Variants in TAOK2 observed in about 807,000 individuals in gnomAD.
The protein encoded by TAOK2 is serine/threonine-protein kinase TAO2.
In TAOK2, 42 loss-of-function variants were observed where a neutral mutation model predicts 122.5. The observed-to-expected ratio is 0.34, with a 90% CI of 0.27 to 0.44. The LOEUF is 0.44. Among genes scored for constraint, TAOK2 ranks in the 20% least tolerant of loss-of-function variants. TAOK2 has a pLI of 1.00. For missense variants in TAOK2, 1,264 were observed against 1,644.9 expected, an observed-to-expected ratio of 0.77 and a Z score of 4.01; for synonymous variants, 704 against 677.6, an observed-to-expected ratio of 1.04 and a Z score of -0.61.
rs766814244 is a variant in TAOK2 at position 29,983,094 on chromosome 16, G to A, written c.1022G>A (p.Arg341Gln). 3.5e-5 allele frequency: 57 copies of A among 1,613,984 alleles called. No homozygotes were observed. The highest frequency in any genetic ancestry group is 2.7e-4 in the East Asian group (12 of 44,874). Residue 341 changes from arginine (R) to glutamine (Q), a missense_variant, in exon 12 of 16, where the codon CGG becomes CAG. Physicochemically the swap from Arg to Gln is conservative, Grantham distance 43 (BLOSUM62 1). This residue lies in a region of TAOK2 where 254 missense variants were observed against 503.8 expected (regional missense o/e 0.50). Coordinates refer to ENST00000308893, the MANE Select transcript of TAOK2 (RefSeq NM_016151.4). Reference sequence around the variant, plus strand: ...CAGGAGGCCGAGCCCTACATGCACCGGGCCGGGACTCTGACCAGCCTCGAG... The same window carrying A: ...CAGGAGGCCGAGCCCTACATGCACCAGGCCGGGACTCTGACCAGCCTCGAG... ...EEEEAEPYMH[R>Q]AGTLTSLESS...
At chr16:29,989,370 C>T (rs1002269754), downstream of TAOK2, 30 of 985,070 alleles carry the variant, frequency 3.0e-5, no homozygotes, top group Middle Eastern at 5.2e-4. Context: ...TCTCTCAACA[C>T]GATCCCACCT....
downstream of TAOK2, chr16:29,989,081 TTCC>T (rs2069903055): frequency 1.0e-6 from 1 of 985,282 alleles, no homozygotes; most frequent in Admixed American, 6.1e-5. Flanking sequence ...GACCTGGGAC[TTCC>T]TGTGTCTGTC....
intron 9 of TAOK2, 31 bp downstream of exon 9, chr16:29,981,785 G>C (rs1394019424): frequency 1.9e-6 from 3 of 1,612,496 alleles, no homozygotes; most frequent in Non-Finnish European, 2.5e-6. Context: ...TCTGGGCCCA[G>C]GCGTTAGGCC....
chr16:29,990,731 G>C, downstream of TAOK2: 1 of 1,544,028 alleles, frequency 6.5e-7, no homozygotes, highest in Non-Finnish European at 8.8e-7. Context: ...GGCAGGGGAG[G>C]ATAGTGGGGG....
Position 29,981,886 on chromosome 16 carries a change from C to A in TAOK2, c.777C>A (p.Asp259Glu), listed in dbSNP as rs142801026. 51 of 1,613,944 alleles carry A rather than the reference C, an allele frequency of 3.2e-5. No individual in the cohort carries two copies. The highest frequency in any genetic ancestry group is 3.3e-4 in the Middle Eastern group (2 of 6,062). ...CTGAGTACTTCCGGAATTTTGTCGA[C>A]TCCTGTCTTCAGAAAATCCCTCAAG... The part of the protein sequence containing the change: ...HWSEYFRNFV[D>E]SCLQKIPQDR... Residue 259 changes from aspartate (D) to glutamate (E), a missense_variant, in exon 10 of 16, where the codon GAC (aspartate) becomes GAA (glutamate). This residue lies in a region of TAOK2 where 254 missense variants were observed against 503.8 expected (regional missense o/e 0.50). Coordinates refer to ENST00000308893, the MANE Select transcript of TAOK2 (RefSeq NM_016151.4).
downstream of TAOK2, chr16:29,991,665 G>C (rs2069972171): frequency 4.4e-6 from 6 of 1,361,882 alleles, no homozygotes; most frequent in South Asian, 1.8e-5. The surrounding 1 kb of genome is among the most constrained non-coding windows in gnomAD (Gnocchi z 5.6). Context: ...AAGGGTAGGG[G>C]ACAAGATGTA....
chr16:29,987,452 G>C lies in TAOK2; in HGVS notation c.3180G>C (p.Leu1060=), dbSNP rs1224326590. 3 of 1,597,840 alleles carry C rather than the reference G, an allele frequency of 1.9e-6. No homozygotes were observed. The highest frequency in any genetic ancestry group is 1.1e-5 in the South Asian group (1 of 89,692). Residue 1060 remains leucine (L), a synonymous_variant, in exon 16 of 16, where the codon CTG becomes CTC. Transcript: ENST00000308893. ...LLAWPGLALP[L]VAMAAGGRWV... ...CTTGGCCAGGCCTAGCTCTACCTCT[G>C]GTGGCTATGGCAGCGGGGGGCAGAT... is the stretch of plus-strand genomic sequence containing the variant.
rs2069739427 is a variant in TAOK2 at position 29,985,043 on chromosome 16, A to G, written c.1423-170A>G. On this transcript the variant is annotated intron_variant, in intron 13 of 15. Coordinates refer to ENST00000308893, the MANE Select transcript of TAOK2 (RefSeq NM_016151.4). This position sits in a 1 kb window ranked among gnomAD's most constrained non-coding sequence, Gnocchi z 6.9. ...ACCAACTTGTGATGTAGATAATATCACCATTATCCAGTTGAGGAAACAGGC... is the reference window on the plus strand; with the variant it reads ...ACCAACTTGTGATGTAGATAATATCGCCATTATCCAGTTGAGGAAACAGGC... 1.2e-6 allele frequency: 1 copy of G among 813,682 alleles called. No individual in the cohort carries two copies. The highest frequency in any genetic ancestry group is 3.0e-5 in the Admixed American group (1 of 33,614). The allele number at this position is 813,682 out of a possible 1,614,324, so 50.4% of individuals were successfully genotyped here.
Position 29,983,561 on chromosome 16 carries a change from A to G in TAOK2, c.1319A>G (p.Gln440Arg). 6.2e-7 allele frequency: 1 copy of G among 1,613,866 alleles called. No individual in the cohort carries two copies. The highest frequency in any genetic ancestry group is 1.3e-5 in the African/African-American group (1 of 74,958). ...YQPEITPSPL[Q>R]PPAAPAPTST... ...CCAGAGATAACCCCCAGCCCTCTCC[A>G]GCCGCCTGCAGCCCCAGCTCCCACT... Residue 440 changes from glutamine (Q) to arginine (R), a missense_variant, in exon 13 of 16, where the codon CAG becomes CGG. Around this residue, in one of 4 missense-constraint regions of TAOK2, gnomAD observed 122 missense variants for 116.7 expected, o/e 1.04. Coordinates refer to ENST00000308893, the MANE Select transcript of TAOK2 (RefSeq NM_016151.4).
chr16:29,977,719 T>C lies in TAOK2; in HGVS notation c.-35-19T>C. 1 of 1,603,302 alleles carries C rather than the reference T, an allele frequency of 6.2e-7. No homozygotes were observed. The highest frequency in any genetic ancestry group is 8.5e-7 in the Non-Finnish European group (1 of 1,176,308). ...AGGCTCAATCCTTGATCTCTAAGGG[T>C]CCCATTTCCATTCCTCAGGCCAGGC... On this transcript the variant is annotated intron_variant, in intron 1 of 15. Coordinates refer to ENST00000308893, the MANE Select transcript of TAOK2 (RefSeq NM_016151.4).
chr16:29,991,536 A>C, downstream of TAOK2: 2 of 1,485,130 alleles, frequency 1.3e-6, no homozygotes, highest in Non-Finnish European at 1.8e-6. This position sits in a 1 kb window ranked among gnomAD's most constrained non-coding sequence, Gnocchi z 5.6. Context: ...CGCTTCCCAC[A>C]TCCTCAATGG....
Position 29,985,988 on chromosome 16 carries a change from A to T in TAOK2, c.1992+127A>T. On this transcript the variant is annotated intron_variant, in intron 15 of 15. Coordinates refer to ENST00000308893, the MANE Select transcript of TAOK2 (RefSeq NM_016151.4). This position sits in a 1 kb window ranked among gnomAD's most constrained non-coding sequence, Gnocchi z 6.9. ...GAGTGTTACAGTTCAGCTTTGCTTC[A>T]GTGCCCCTTTTACTTCTCATCCCCA... 1 of 1,229,438 alleles carries T rather than the reference A, an allele frequency of 8.1e-7. No individual in the cohort carries two copies. The highest frequency in any genetic ancestry group is 1.1e-6 in the Non-Finnish European group (1 of 885,230). 76.2% of individuals were successfully genotyped at this position (1,229,438 alleles called of 1,614,324 possible). A position where few individuals can be genotyped will look rare whatever the true frequency, so the allele number is the denominator to read the frequency against.
At chr16:29,977,257 G>C (rs189960790) in intron 1 of TAOK2, among the ~76,000 whole-genome samples, 1 of 152,132 alleles carries the variant, frequency 6.6e-6, no homozygotes, top group Non-Finnish European at 1.5e-5. Flanking sequence ...CACCGCCTCC[G>C]GCCTGGCCAT....
chr16:29,990,736 TG>T (rs768803035), downstream of TAOK2: 3 of 1,544,804 alleles, frequency 1.9e-6, no homozygotes, highest in Admixed American at 1.9e-5. Flanking sequence ...GGGAGGATAG[TG>T]GGGGTGGGGG....
downstream of TAOK2, chr16:29,988,530 C>T: frequency 8.6e-7 from 1 of 1,169,354 alleles, no homozygotes; most frequent in Middle Eastern, 3.7e-4. Context: ...CTCACTCCTC[C>T]AGCCTCATGC....
In TAOK2 at chr16:29,985,208, C is replaced by T; in HGVS notation, c.1423-5C>T. The stretch of plus-strand genomic sequence containing the variant: ...CCCCAGCTCTCACCCTCTCTCCTTC[C>T]CCAGGTCAGCCGTCAGATCCAGGAG... On this transcript the variant is annotated splice_region_variant and splice_polypyrimidine_tract_variant and intron_variant, in intron 13 of 15. Coordinates refer to ENST00000308893, the MANE Select transcript of TAOK2 (RefSeq NM_016151.4). The surrounding 1 kb of genome is among the most constrained non-coding windows in gnomAD (Gnocchi z 6.9). The T allele has an allele frequency of 6.7e-7, 1 of 1,497,510 alleles. No homozygotes were observed. Among genetic ancestry groups the T allele is most frequent in the Non-Finnish European group, 8.9e-7 (1 of 1,122,334 alleles). 92.8% of individuals were successfully genotyped at this position (1,497,510 alleles called of 1,614,324 possible). A position where few individuals can be genotyped will look rare whatever the true frequency, so the allele number is the denominator to read the frequency against.
At chr16:29,980,206 C>T (rs2069572741) in intron 8 of TAOK2, 1 of 152,242 alleles carries the variant, frequency 6.6e-6, no homozygotes, top group South Asian at 2.1e-4. Context: ...TCATCTCTGT[C>T]AGCCAGCACT....
At chr16:29,988,824 C>A (rs1178366812), downstream of TAOK2, 1 of 985,324 alleles carries the variant, frequency 1.0e-6, no homozygotes. Flanking sequence ...GGCAACCAGG[C>A]GGAGTATGAA....
chr16:29,980,309 T>G (rs2069575068), intron 8 of TAOK2: 1 of 152,196 alleles, frequency 6.6e-6, no homozygotes, highest in Non-Finnish European at 1.5e-5. Context: ...TGCTGTTAGT[T>G]TCTCTTATCA....
Sources: gnomAD v4.1 joint callset for allele counts (sites outside exome capture counted in the v4.1 genomes callset) on GRCh38, gnomAD v4.1.1 for gene constraint, gnomAD v4.1.1 regional missense constraint, Gnocchi (gnomAD v3.1) non-coding constraint, MANE v1.5 for transcripts, NCBI Gene and HGNC (gene_info 2026-07-23, HGNC 2026-07-21) for gene names.